Variants in ZNF710 observed in about 807,000 individuals in gnomAD.
ZNF710 encodes zinc finger protein 710.
Under a neutral mutation model 50.6 loss-of-function variants are expected in ZNF710, and 13 were observed. The ratio of observed to expected loss-of-function variants is 0.26; its 90% CI spans 0.17 to 0.41. ZNF710 has a LOEUF of 0.41. Among genes scored for constraint, ZNF710 ranks in the 10% least tolerant of loss-of-function variants. The pLI is 1.00. For synonymous variants in ZNF710, 383 were observed against 397.0 expected (o/e 0.96, Z 0.42); for missense variants, 721 against 936.6 (o/e 0.77, Z 3.01).
At chr15:90,015,777 A>G (rs999165037) in intron 1 of ZNF710, among the ~76,000 whole-genome samples, 1 of 151,864 alleles carries the variant, frequency 6.6e-6, no homozygotes, top group African/African-American at 2.4e-5. Context: ...CACCCAGCTA[A>G]TTTTTAAATT....
intron 2 of ZNF710, 108 bp from the exon 3 acceptor site, chr15:90,072,963 T>C (rs981373334): frequency 2.1e-5 from 24 of 1,131,376 alleles, no homozygotes; most frequent in Non-Finnish European, 2.9e-5. Context: ...TCCCAGAAAG[T>C]GTGCCTTTGT....
At chr15:90,017,465 T>G (rs2151470694) in intron 1 of ZNF710, among the ~76,000 whole-genome samples, 1 of 152,162 alleles carries the variant, frequency 6.6e-6, no homozygotes, top group East Asian at 1.9e-4. Context: ...TGTCCTTGTG[T>G]GTGGTGCCAT....
At chr15:90,019,035 T>C (rs907905502) in intron 1 of ZNF710, among the ~76,000 whole-genome samples, 1 of 151,920 alleles carries the variant, frequency 6.6e-6, no homozygotes, top group South Asian at 2.1e-4. Context: ...TTGATGATTA[T>C]TGCAGAAAAT....
chr15:89,999,214 T>C (rs1013555596), upstream of ZNF710, among the ~76,000 whole-genome samples: 4 of 152,192 alleles, frequency 2.6e-5, no homozygotes, highest in Admixed American at 2.6e-4. Flanking sequence ...TTAGGAGCTT[T>C]CTTGGTTCAC....
At chr15:90,001,847 G>C (rs1898019130) in intron 1 of ZNF710, among the ~76,000 whole-genome samples, 1 of 140,852 alleles carries the variant, frequency 7.1e-6, no homozygotes, top group African/African-American at 2.6e-5. Flanking sequence ...GGGAGAGAGG[G>C]AGAGCCGGGG....
At chr15:90,000,823 G>T (rs548768632), upstream of ZNF710, among the ~76,000 whole-genome samples, 3 of 152,118 alleles carry the variant, frequency 2.0e-5, no homozygotes, top group African/African-American at 7.2e-5. Context: ...CACCCGCACC[G>T]GCTCTCCTCT....
chr15:90,023,642 C>T (rs895428023), intron 1 of ZNF710, among the ~76,000 whole-genome samples: 6 of 152,134 alleles, frequency 3.9e-5, no homozygotes, highest in Admixed American at 3.9e-4. Flanking sequence ...CATGATCACA[C>T]CACTGCACAC....
intron 1 of ZNF710, among the ~76,000 whole-genome samples, chr15:90,054,814 G>T (rs974607465): frequency 6.6e-6 from 1 of 152,172 alleles, no homozygotes; most frequent in African/African-American, 2.4e-5. Context: ...TCTGGACTTG[G>T]AGGAAAGATA....
At chr15:90,032,644 G>C (rs943461694) in intron 1 of ZNF710, among the ~76,000 whole-genome samples, 3 of 152,032 alleles carry the variant, frequency 2.0e-5, no homozygotes, top group African/African-American at 7.3e-5. Context: ...TGGACATGGT[G>C]GTGGGCACCT....
chr15:90,063,934 C>T (rs184107911), intron 1 of ZNF710, among the ~76,000 whole-genome samples: 182 of 152,214 alleles, frequency 1.2e-3, no homozygotes, highest in African/African-American at 4.3e-3. Context: ...GGAGCCTCTT[C>T]CCCCCCATAG....
chr15:90,021,151 C>T (rs1898610567), intron 1 of ZNF710, among the ~76,000 whole-genome samples: 1 of 152,192 alleles, frequency 6.6e-6, no homozygotes, highest in Non-Finnish European at 1.5e-5. Flanking sequence ...GGGGAGCTCT[C>T]TCAACTGCGT....
rs564811176 is a variant in ZNF710 at position 90,067,083 on chromosome 15, T to G, written c.-28-27T>G. The G allele has an allele frequency of 1.5e-5, 23 of 1,537,340 alleles. No individual in the cohort carries two copies. Among genetic ancestry groups the G allele is most frequent in the Non-Finnish European group, 2.0e-5 (23 of 1,142,282 alleles). ...TGTCTGTGCAGGAGTGAGCCAGCAA[T>G]ATTAACCTTCCCTTCTCCACCCACA... is the stretch of plus-strand genomic sequence containing the variant. On this transcript the variant is annotated intron_variant, in intron 1 of 4. Transcript: ENST00000268154. This position sits in a 1 kb window ranked among gnomAD's most constrained non-coding sequence, Gnocchi z 8.1.
intron 1 of ZNF710, among the ~76,000 whole-genome samples, chr15:90,028,061 G>T (rs1898830784): frequency 6.6e-6 from 1 of 152,040 alleles, no homozygotes; most frequent in African/African-American, 2.4e-5. Flanking sequence ...TACAAGTTTT[G>T]AAAGTATACC....
At chr15:90,028,990 G>A (rs921512351) in intron 1 of ZNF710, among the ~76,000 whole-genome samples, 1 of 152,176 alleles carries the variant, frequency 6.6e-6, no homozygotes, top group East Asian at 1.9e-4. Flanking sequence ...TTTCTCATCC[G>A]TCTTTTTCAA....
At position 90,078,606 on chromosome 15, in the gene ZNF710, T is replaced by C. The variant is rs117959082; in HGVS notation, c.1826-1054T>C. Among the ~76,000 whole-genome samples, 16 of 152,352 alleles carry C rather than the reference T, an allele frequency of 1.1e-4. No homozygotes were observed. The East Asian group carries it at 2.9e-3, about 27-fold the overall frequency. ...CATGAGTTTGTCTTCCAGGTGACAG[T>C]TGGCCATGTTTGGAGACATTTATGG... is the stretch of plus-strand genomic sequence containing the variant. On this transcript the variant is annotated intron_variant, in intron 4 of 4. Transcript: ENST00000268154.
At position 90,079,682 on chromosome 15, in the gene ZNF710, CA is replaced by C; in HGVS notation, c.1849del (p.Thr617LeufsTer39). On this transcript the variant is annotated frameshift_variant, in exon 5 of 5. Transcript: ENST00000268154. LOFTEE classifies it high-confidence loss of function. ...CAGACCCCATGATGGAGCTGACAGG[CA>C]CTGACCCTTCAGAGCTCGACGGCCA... Reference protein sequence around the residue: ...SQDPMMELTGTDPSELDGQQE... With the variant: ...SQDPMMELTGXDPSELDGQQE... The C allele has an allele frequency of 6.2e-7, 1 of 1,613,892 alleles. No homozygotes were observed. Among genetic ancestry groups the C allele is most frequent in the Non-Finnish European group, 8.5e-7 (1 of 1,179,920 alleles).
At chr15:90,006,611 G>C (rs929799886) in intron 1 of ZNF710, 1 of 152,614 alleles carries the variant, frequency 6.6e-6, no homozygotes, top group East Asian at 1.9e-4. Context: ...ATCATGGAGA[G>C]GGGGAGGGGA....
Position 90,059,864 on chromosome 15 carries a change from A to C in ZNF710, c.-28-7246A>C, listed in dbSNP as rs531046748. ...GTGAAATCCCGTGCATGTTTTTCAC[A>C]GCGGGTGTACAGGCCTGGAACTTCC... On this transcript the variant is annotated intron_variant, in intron 1 of 4. Transcript: ENST00000268154. This position sits in a 1 kb window ranked among gnomAD's most constrained non-coding sequence, Gnocchi z 4.1. 2.0e-5 allele frequency among the ~76,000 whole-genome samples: 3 copies of C among 152,202 alleles called. No individual in the cohort carries two copies. Among genetic ancestry groups the C allele is most frequent in the Non-Finnish European group, 4.4e-5 (3 of 68,026 alleles).
chr15:90,064,490 C>G (rs1465813680), intron 1 of ZNF710, among the ~76,000 whole-genome samples: 1 of 152,118 alleles, frequency 6.6e-6, no homozygotes. Context: ...AATAATGGTT[C>G]TTTTTTTCTT....
Sources: gnomAD v4.1 joint callset for allele counts (sites outside exome capture counted in the v4.1 genomes callset) on GRCh38, gnomAD v4.1.1 for gene constraint, Gnocchi (gnomAD v3.1) non-coding constraint, MANE v1.5 for transcripts, NCBI Gene and HGNC (gene_info 2026-07-23, HGNC 2026-07-21) for gene names.